CD36: variants seen among roughly 807,000 people sequenced by gnomAD.
The protein encoded by CD36 is CD36 molecule (CD36 blood group), also known as platelet glycoprotein 4.
A neutral mutation model predicts 55.2 loss-of-function variants in CD36; 119 were observed. That is an observed-to-expected ratio of 2.15 (90% confidence interval 1.86 to 2.51). The LOEUF (loss-of-function observed/expected upper bound fraction) is 2.51. Among genes scored for constraint, CD36 ranks in the 30% most tolerant of loss-of-function variants. The pLI is 0.00. For synonymous variants in CD36, 186 were observed against 193.6 expected, an observed-to-expected ratio of 0.96 and a Z score of 0.33; for missense variants, 819 against 555.5, an observed-to-expected ratio of 1.47 and a Z score of -4.77.
At chr7:80,623,020 T>A (rs1290788379) in intron 1 of CD36, among the ~76,000 whole-genome samples, 1 of 139,924 alleles carries the variant, frequency 7.1e-6, no homozygotes, top group African/African-American at 2.6e-5. Context: ...TTTTTTTTTT[T>A]ACTCTATTAT....
At chr7:80,617,566 A>C (rs560058611) in intron 1 of CD36, among the ~76,000 whole-genome samples, 1 of 152,072 alleles carries the variant, frequency 6.6e-6, no homozygotes, top group Non-Finnish European at 1.5e-5. Context: ...ATCACTAATA[A>C]AAATAAATAA....
chr7:80,663,165 A>T lies in CD36; in HGVS notation c.605A>T (p.Tyr202Phe). 5 of 1,612,138 alleles carry T rather than the reference A, an allele frequency of 3.1e-6. No homozygotes were observed. Among genetic ancestry groups the T allele is most frequent in the Non-Finnish European group, 4.2e-6 (5 of 1,178,346 alleles). Residue 202 changes from tyrosine (Y) to phenylalanine (F), a missense_variant, in exon 6 of 15, where the codon TAT becomes TTT. By Grantham distance (22) the Tyr-to-Phe change is conservative. Coordinates refer to ENST00000447544, the MANE Select transcript of CD36 (RefSeq NM_001001548.3). ...YPVTTTVGLFYPYNNTADGVY... is the reference protein window; with the variant it reads ...YPVTTTVGLFFPYNNTADGVY... Reference sequence around the variant, plus strand: ...GTTACTACCACAGTTGGTCTGTTTTATCCTGTAAGTACCAAATATGAATGG... The same window carrying T: ...GTTACTACCACAGTTGGTCTGTTTTTTCCTGTAAGTACCAAATATGAATGG...
At chr7:80,662,765 A>G (rs1204437006) in intron 5 of CD36, among the ~76,000 whole-genome samples, 1 of 152,132 alleles carries the variant, frequency 6.6e-6, no homozygotes, top group Non-Finnish European at 1.5e-5. Flanking sequence ...AAATAAATAG[A>G]GCTTAACTTG....
chr7:80,660,149 G>A (rs1231838126), intron 4 of CD36, among the ~76,000 whole-genome samples: 3 of 152,080 alleles, frequency 2.0e-5, no homozygotes, highest in African/African-American at 7.2e-5. Context: ...GTGCAATTAT[G>A]ATATATATCT....
chr7:80,628,022 A>G (rs1793846618), intron 1 of CD36, among the ~76,000 whole-genome samples: 1 of 151,996 alleles, frequency 6.6e-6, no homozygotes, highest in South Asian at 2.1e-4. Flanking sequence ...TCTTTATTCC[A>G]TTACATGCAT....
At position 80,663,545 on chromosome 7, in the gene CD36, T is replaced by A. The variant is rs117867719; in HGVS notation, c.609+376T>A. Among the ~76,000 whole-genome samples, 864 of 152,286 alleles carry A rather than the reference T, an allele frequency of 5.7e-3. 25 individuals carry two copies. Among genetic ancestry groups the A allele is most frequent in the East Asian group, 0.047 (245 of 5,186 alleles). ...TTTTTATTTGTTTTAAATATACTCC[T>A]CATTCCTCCTTTTCTAGACCTCTTA... On this transcript the variant is annotated intron_variant, in intron 6 of 14. Transcript: ENST00000447544.
At chr7:80,654,950 T>C (rs1795938159) in intron 3 of CD36, among the ~76,000 whole-genome samples, 2 of 151,798 alleles carry the variant, frequency 1.3e-5, no homozygotes, top group South Asian at 4.2e-4. Context: ...TGGATGAGGA[T>C]TTTTGTCATG....
rs550279316 is a variant in CD36 at position 80,673,384 on chromosome 7, T to C, written c.1229T>C (p.Ile410Thr). ...TTAAAGAATCTGAAGAGGAACTATA[T>C]TGTGCCTATTCTTTGGCTTAATGAG... is the stretch of plus-strand genomic sequence containing the variant. ...QVLKNLKRNYIVPILWLNETG... is the reference protein window; with the variant it reads ...QVLKNLKRNYTVPILWLNETG... Residue 410 changes from isoleucine to threonine, a missense_variant, in exon 13 of 15, where the codon ATT (isoleucine) becomes ACT (threonine). Transcript: ENST00000447544. 1.2e-5 allele frequency: 19 copies of C among 1,567,242 alleles called. No homozygotes were observed. Among genetic ancestry groups the C allele is most frequent in the Middle Eastern group, 3.4e-4 (2 of 5,936 alleles).
At chr7:80,647,788 T>A (rs1161919878) in intron 3 of CD36, among the ~76,000 whole-genome samples, 1 of 152,158 alleles carries the variant, frequency 6.6e-6, no homozygotes. Context: ...CCTGAAGGCA[T>A]AAATGTTCAT....
At chr7:80,627,686 A>T (rs1793821934) in intron 1 of CD36, among the ~76,000 whole-genome samples, 1 of 152,084 alleles carries the variant, frequency 6.6e-6, no homozygotes, top group South Asian at 2.1e-4. Flanking sequence ...AAAACAATAC[A>T]ACTATTTCAT....
chr7:80,671,808 A>C, intron 10 of CD36, 114 bp from the exon 11 acceptor site: 2 of 906,990 alleles, frequency 2.2e-6, no homozygotes, highest in Non-Finnish European at 3.5e-6. Context: ...ACCCATGTTA[A>C]AAACCATGTA....
intron 5 of CD36, among the ~76,000 whole-genome samples, chr7:80,661,657 C>T (rs946196231): frequency 9.2e-5 from 14 of 151,976 alleles, no homozygotes; most frequent in African/African-American, 3.1e-4. Context: ...GTAGCTGTAC[C>T]AGTGGGCAAT....
upstream of CD36, among the ~76,000 whole-genome samples, chr7:80,633,720 A>G (rs1794222732): frequency 6.6e-6 from 1 of 152,070 alleles, no homozygotes. Flanking sequence ...TCTATTATAC[A>G]TATATAAGCA....
chr7:80,672,909 A>C (rs1412117645), intron 12 of CD36, 66 bp downstream of exon 12: 1 of 1,033,516 alleles, frequency 9.7e-7, no homozygotes, highest in Non-Finnish European at 1.5e-6. Context: ...TTGTAAGAAC[A>C]TGAGTAAATC....
intron 1 of CD36, among the ~76,000 whole-genome samples, chr7:80,614,379 ATT>A (rs1346367278): frequency 1.3e-5 from 2 of 152,104 alleles, no homozygotes; most frequent in African/African-American, 4.8e-5. Flanking sequence ...ATCATAATGT[ATT>A]TATATTTTAT....
At chr7:80,653,898 A>G (rs1462955892) in intron 3 of CD36, among the ~76,000 whole-genome samples, 1 of 152,160 alleles carries the variant, frequency 6.6e-6, no homozygotes, top group East Asian at 1.9e-4. Context: ...TATGGAAACT[A>G]TATAAAATTG....
upstream of CD36, among the ~76,000 whole-genome samples, chr7:80,636,021 T>C (rs1360709517): frequency 6.6e-6 from 1 of 151,806 alleles, no homozygotes; most frequent in Non-Finnish European, 1.5e-5. Flanking sequence ...CAAAGGCAGG[T>C]GCAAAGTTCA....
intron 11 of CD36, among the ~76,000 whole-genome samples, chr7:80,672,302 T>C (rs551362846): frequency 1.3e-5 from 2 of 151,804 alleles, no homozygotes; most frequent in African/African-American, 4.8e-5. Flanking sequence ...TATATGTGAG[T>C]TTGACTATAC....
rs746995788 is a variant in CD36 at position 80,663,160 on chromosome 7, G to A, written c.600G>A (p.Leu200=). Reference sequence around the variant, plus strand: ...ACCCTGTTACTACCACAGTTGGTCTGTTTTATCCTGTAAGTACCAAATATG... The same window carrying A: ...ACCCTGTTACTACCACAGTTGGTCTATTTTATCCTGTAAGTACCAAATATG... ...VPYPVTTTVG[L]FYPYNNTADG... The change falls in exon 6 of 15, where the codon CTG becomes CTA. Residue 200 remains leucine (L), a synonymous_variant. Transcript: ENST00000447544. 1 of 1,612,628 alleles carries A rather than the reference G, an allele frequency of 6.2e-7. No homozygotes were observed. The highest frequency in any genetic ancestry group is 1.7e-5 in the Admixed American group (1 of 59,994).
Sources: allele counts gnomAD v4.1 joint callset (sites outside exome capture counted in the v4.1 genomes callset), GRCh38; gene constraint gnomAD v4.1.1; transcripts MANE v1.5; gene names NCBI Gene and HGNC (gene_info 2026-07-23, HGNC 2026-07-21).